The following ARID2 variants were observed in gnomAD, a reference collection of about 807,000 sequenced individuals.
The protein encoded by ARID2 is AT-rich interaction domain 2.
ARID2 carries 32 observed loss-of-function variants against 184.6 expected under a neutral mutation model. That is an observed-to-expected ratio of 0.17 (90% CI 0.13 to 0.23). The LOEUF is 0.23. ARID2 is among the 10% of genes least tolerant of loss of function. The pLI is 1.00. For missense variants in ARID2, 1,696 were observed against 2,197.6 expected (o/e 0.77, Z 4.56); for synonymous variants, 836 against 772.6 (o/e 1.08, Z -1.36).
chr12:45,869,744 G>A (rs1366394539), intron 16 of ARID2, among the ~76,000 whole-genome samples: 2 of 151,904 alleles, frequency 1.3e-5, no homozygotes, highest in East Asian at 4.0e-4. Context: ...TTAGCCAGGC[G>A]TGGTGGCGGG....
At chr12:45,884,359 A>G (rs1217972312) in intron 16 of ARID2, among the ~76,000 whole-genome samples, 1 of 152,122 alleles carries the variant, frequency 6.6e-6, no homozygotes, top group Non-Finnish European at 1.5e-5. Context: ...TCATGCCAGT[A>G]TACTCCAGCC....
Position 45,851,294 on chromosome 12 carries a change from G to A in ARID2, c.3171G>A (p.Ser1057=), listed in dbSNP as rs7296694. The change falls in exon 15 of 21, where the codon TCG becomes TCA. Residue 1057 remains serine, a synonymous_variant. Coordinates refer to ENST00000334344, the MANE Select transcript of ARID2 (RefSeq NM_152641.4). ...TTGGTCAGCCTGCCTCTGGTGAGTC[G>A]AGTCTGATTAAACAGCTTCTGCTTC... ...AGVGQPASGE[S]SLIKQLLLPK... The A allele has an allele frequency of 0.017, 26,991 of 1,614,004 alleles. 3,527 individuals are homozygous for A. In the African/African-American group the frequency reaches 0.3, roughly 18 times the overall value.
At chr12:45,796,371 G>A (rs1942393809) in intron 3 of ARID2, among the ~76,000 whole-genome samples, 1 of 152,086 alleles carries the variant, frequency 6.6e-6, no homozygotes, top group East Asian at 1.9e-4. Context: ...GTAGTTCCCT[G>A]TTGGATAGTT....
intron 3 of ARID2, among the ~76,000 whole-genome samples, chr12:45,753,617 T>C (rs954152556): frequency 9.8e-5 from 15 of 152,336 alleles, no homozygotes; most frequent in Non-Finnish European, 1.9e-4. Context: ...TTTTTTCTTT[T>C]TTTGAGACAA....
chr12:45,743,402 C>T (rs1393366878), intron 3 of ARID2, among the ~76,000 whole-genome samples: 1 of 151,980 alleles, frequency 6.6e-6, no homozygotes, highest in African/African-American at 2.4e-5. Flanking sequence ...ACTGTGTTGC[C>T]CAGGCTTGAG....
Position 45,893,653 on chromosome 12 carries a change from T to G in ARID2, c.5295T>G (p.Thr1765=). The G allele has an allele frequency of 6.2e-7, 1 of 1,606,416 alleles. No homozygotes were observed. Among genetic ancestry groups the G allele is most frequent in the Non-Finnish European group, 8.5e-7 (1 of 1,178,066 alleles). ...DFTDEKEGPI[T]KHIRLTAALI... ...AGGATGAAAAAGAGGGACCAATAAC[T>G]AAACACATCCGACTAACAGCTGCCT... The change falls in exon 20 of 21, where the codon ACT becomes ACG. Residue 1765 remains threonine, a synonymous_variant. Coordinates refer to ENST00000334344, the MANE Select transcript of ARID2 (RefSeq NM_152641.4).
intron 16 of ARID2, among the ~76,000 whole-genome samples, chr12:45,865,870 G>GCT (rs1475424448): frequency 6.6e-6 from 1 of 152,062 alleles, no homozygotes; most frequent in African/African-American, 2.4e-5. Flanking sequence ...TTCATCAGAT[G>GCT]CTACTCAAGA....
chr12:45,742,086 A>G (rs1416889795), intron 3 of ARID2, among the ~76,000 whole-genome samples: 1 of 152,192 alleles, frequency 6.6e-6, no homozygotes, highest in East Asian at 1.9e-4. Context: ...TACTTCCAGA[A>G]GTGTTATCCC....
chr12:45,734,801 G>A (rs1436931264), intron 3 of ARID2, among the ~76,000 whole-genome samples: 12 of 152,088 alleles, frequency 7.9e-5, no homozygotes, highest in Admixed American at 7.9e-4. Context: ...TTAAGAATTT[G>A]AAGTTTTGGT....
intron 15 of ARID2, among the ~76,000 whole-genome samples, chr12:45,858,444 A>AGT (rs1319459799): frequency 6.6e-6 from 1 of 152,192 alleles, no homozygotes; most frequent in Non-Finnish European, 1.5e-5. Context: ...TCTCACCATC[A>AGT]GAGTTCTATG....
At chr12:45,847,250 T>G (rs1047969110) in intron 12 of ARID2, among the ~76,000 whole-genome samples, 2 of 152,130 alleles carry the variant, frequency 1.3e-5, no homozygotes, top group African/African-American at 4.8e-5. Flanking sequence ...AAGTACAGTT[T>G]GTCAGGTTAC....
chr12:45,811,651 C>A, intron 4 of ARID2, 100 bp downstream of exon 4: 1 of 1,252,274 alleles, frequency 8.0e-7, no homozygotes, highest in Non-Finnish European at 1.1e-6. Flanking sequence ...CACATGAGAA[C>A]ACTTAAGGCC....
At chr12:45,884,012 G>A (rs749308475) in intron 16 of ARID2, among the ~76,000 whole-genome samples, 6 of 152,084 alleles carry the variant, frequency 3.9e-5, no homozygotes, top group Non-Finnish European at 8.8e-5. Context: ...AAATTATTTG[G>A]TATGCTTTTT....
rs181014673 is a variant in ARID2 at position 45,811,349 on chromosome 12, T to C, written c.285-69T>C. ...ATTGTTTAGAAAAGGAAAACAAATA[T>C]GTGGTGAGAGTTAAAAATAAGATAT... On this transcript the variant is annotated intron_variant, in intron 3 of 20. Transcript: ENST00000334344. 797 of 1,457,464 alleles carry C rather than the reference T, an allele frequency of 5.5e-4. No individual in the cohort carries two copies. In the African/African-American group the frequency reaches 0.01, roughly 18 times the overall value. 90.3% of individuals were successfully genotyped at this position (1,457,464 alleles called of 1,614,324 possible). A position where few individuals can be genotyped will look rare whatever the true frequency, so the allele number is the denominator to read the frequency against.
chr12:45,851,996 A>T lies in ARID2; in HGVS notation c.3873A>T (p.Gly1291=), dbSNP rs765662714. 1 of 1,614,162 alleles carries T rather than the reference A, an allele frequency of 6.2e-7. No homozygotes were observed. ...GDTKENEMHV[G]SLLNGRKYSD... ...CAAAGGAAAATGAAATGCATGTGGG[A>T]AGTCTTTTAAATGGGAGAAAGTACA... The change falls in exon 15 of 21, where the codon GGA becomes GGT. Residue 1291 remains glycine, a synonymous_variant. Coordinates refer to ENST00000334344, the MANE Select transcript of ARID2 (RefSeq NM_152641.4).
Position 45,905,087 on chromosome 12 carries a change from T to G in ARID2, c.*9T>G. The G allele has an allele frequency of 6.2e-7, 1 of 1,612,114 alleles. No homozygotes were observed. Among genetic ancestry groups the G allele is most frequent in the Non-Finnish European group, 8.5e-7 (1 of 1,179,044 alleles). Reference sequence around the variant, plus strand: ...CAGAAATGCTGCAGTGAAAAATAATTCCACTTACACAGTGGGGGACTCAAA... The same window carrying G: ...CAGAAATGCTGCAGTGAAAAATAATGCCACTTACACAGTGGGGGACTCAAA... On this transcript the variant is annotated 3_prime_UTR_variant, in exon 21 of 21. Coordinates refer to ENST00000334344, the MANE Select transcript of ARID2 (RefSeq NM_152641.4).
intron 3 of ARID2, among the ~76,000 whole-genome samples, chr12:45,745,744 T>G (rs2137985575): frequency 6.6e-6 from 1 of 152,234 alleles, no homozygotes; most frequent in East Asian, 1.9e-4. Context: ...GAGACAGGGT[T>G]TCGTCATTTG....
Position 45,907,002 on chromosome 12 carries a change from A to G in ARID2, c.*1924A>G, listed in dbSNP as rs1203974510. On this transcript the variant is annotated 3_prime_UTR_variant, in exon 21 of 21. Transcript: ENST00000334344. ...AAATATTTTGATTGAATTAGTACCA[A>G]TGTAAAATCTAGTTTCTTCCTGAAG... 4.3e-6 allele frequency: 1 copy of G among 231,396 alleles called. No homozygotes were observed. The highest frequency in any genetic ancestry group is 6.1e-5 in the East Asian group (1 of 16,316). The allele number at this position is 231,396 out of a possible 1,614,324, so 14.3% of individuals were successfully genotyped here.
intron 6 of ARID2, among the ~76,000 whole-genome samples, chr12:45,831,232 T>C (rs1943116642): frequency 1.3e-5 from 2 of 152,230 alleles, no homozygotes; most frequent in Non-Finnish European, 2.9e-5. Flanking sequence ...TTTTTTAATA[T>C]GTACATTCTA....
Sources: allele counts gnomAD v4.1 joint callset (sites outside exome capture counted in the v4.1 genomes callset), GRCh38; gene constraint gnomAD v4.1.1; transcripts MANE v1.5; gene names NCBI Gene and HGNC (gene_info 2026-07-23, HGNC 2026-07-21).